CRACD: variants seen among roughly 807,000 people sequenced by gnomAD.
The protein encoded by CRACD is capping protein-inhibiting regulator of actin dynamics.
CRACD carries 56 observed loss-of-function variants against 106.8 expected under a neutral mutation model. That is an observed-to-expected ratio of 0.52 (90% CI 0.42 to 0.66). The LOEUF (loss-of-function observed/expected upper bound fraction) is 0.66, where lower values mean the gene tolerates loss of function less well. Among genes scored for constraint, CRACD ranks in the 30% least tolerant of loss-of-function variants. CRACD has a pLI of 0.00. For missense variants in CRACD, 1,730 were observed against 1,623.2 expected (o/e 1.07, Z -1.13); for synonymous variants, 754 against 670.8 (o/e 1.12, Z -1.92).
intron 1 of CRACD, among the ~76,000 whole-genome samples, chr4:56,124,218 G>A (rs187215231): frequency 3.9e-5 from 6 of 152,308 alleles, no homozygotes; most frequent in Admixed American, 2.0e-4. Flanking sequence ...GATTACAGGC[G>A]TGAGCCACTG....
chr4:56,233,951 T>G (rs1739801054), intron 2 of CRACD, among the ~76,000 whole-genome samples: 1 of 152,230 alleles, frequency 6.6e-6, no homozygotes, highest in African/African-American at 2.4e-5. Flanking sequence ...ATTTTACAAA[T>G]GATATCATTT....
intron 1 of CRACD, among the ~76,000 whole-genome samples, chr4:56,098,611 C>A (rs1733672108): frequency 6.6e-6 from 1 of 152,148 alleles, no homozygotes; most frequent in African/African-American, 2.4e-5. Flanking sequence ...TTACTAATAA[C>A]AAGAACTTAA....
chr4:56,264,928 G>C (rs1013418562), intron 2 of CRACD, among the ~76,000 whole-genome samples: 2 of 152,090 alleles, frequency 1.3e-5, no homozygotes, highest in African/African-American at 4.8e-5. Context: ...TTTCCTCCAC[G>C]CTTCCCCCAG....
chr4:56,061,672 A>G (rs975983132), intron 1 of CRACD, among the ~76,000 whole-genome samples: 2 of 152,364 alleles, frequency 1.3e-5, no homozygotes, highest in Non-Finnish European at 1.5e-5. Context: ...GTATGTATAC[A>G]TAAGTATATA....
chr4:56,161,321 G>A (rs969984966), intron 1 of CRACD, among the ~76,000 whole-genome samples: 8 of 151,984 alleles, frequency 5.3e-5, no homozygotes, highest in African/African-American at 1.7e-4. Context: ...GTTTCATTCT[G>A]GTGTTTGAGG....
chr4:56,292,353 A>G (rs774209327), intron 3 of CRACD, among the ~76,000 whole-genome samples: 77 of 152,164 alleles, frequency 5.1e-4, no homozygotes, highest in Non-Finnish European at 7.8e-4. Context: ...CTCTGGGAGG[A>G]CCACACCCTA....
chr4:56,107,065 G>A (rs1198827684), intron 1 of CRACD, among the ~76,000 whole-genome samples: 1 of 152,124 alleles, frequency 6.6e-6, no homozygotes, highest in Non-Finnish European at 1.5e-5. Flanking sequence ...CAAACTCCTT[G>A]ACCCAAGCGA....
intron 2 of CRACD, among the ~76,000 whole-genome samples, chr4:56,211,525 G>A (rs1056321624): frequency 6.6e-6 from 1 of 152,214 alleles, no homozygotes; most frequent in African/African-American, 2.4e-5. Context: ...AGAAGAATGA[G>A]TATACGCTGA....
chr4:56,278,589 G>C (rs1742809222), intron 3 of CRACD, among the ~76,000 whole-genome samples: 1 of 152,102 alleles, frequency 6.6e-6, no homozygotes, highest in Non-Finnish European at 1.5e-5. Context: ...CCTTGAATTA[G>C]GCAGTGGTTT....
chr4:56,296,233 G>A (rs1020795659), intron 3 of CRACD, among the ~76,000 whole-genome samples: 1 of 152,018 alleles, frequency 6.6e-6, no homozygotes, highest in Non-Finnish European at 1.5e-5. Flanking sequence ...CTTCAATTTG[G>A]ATGTCTTTAT....
At chr4:56,087,459 G>C (rs553495044) in intron 1 of CRACD, among the ~76,000 whole-genome samples, 1 of 152,032 alleles carries the variant, frequency 6.6e-6, no homozygotes, top group Non-Finnish European at 1.5e-5. Context: ...TCTTCCTCTC[G>C]CTTCTGTCTG....
rs1736715604 is a variant in CRACD at position 56,179,302 on chromosome 4, C to T, written c.-317C>T. 1 of 151,618 alleles carries T rather than the reference C, an allele frequency of 6.6e-6. No individual in the cohort carries two copies. The highest frequency in any genetic ancestry group is 2.4e-5 in the African/African-American group (1 of 41,234). The allele number at this position is 151,618 out of a possible 1,614,324, so 9.4% of individuals were successfully genotyped here. A position where few individuals can be genotyped will look rare whatever the true frequency, so the allele number is the denominator to read the frequency against. On this transcript the variant is annotated 5_prime_UTR_variant, in exon 2 of 11. Coordinates refer to ENST00000682029, the MANE Select transcript of CRACD (RefSeq NM_001393381.1). ...TCAACAGCTTACAAGAGCAGTGATTCCCAGGCTTTCTCAGCAATGTACCCC... is the reference window on the plus strand; with the variant it reads ...TCAACAGCTTACAAGAGCAGTGATTTCCAGGCTTTCTCAGCAATGTACCCC...
chr4:56,221,386 G>T (rs1739022035), intron 2 of CRACD, among the ~76,000 whole-genome samples: 1 of 152,146 alleles, frequency 6.6e-6, no homozygotes, highest in Non-Finnish European at 1.5e-5. Flanking sequence ...ATATTGAGAG[G>T]TTCACATAAA....
chr4:56,123,748 C>T (rs901862541), intron 1 of CRACD, among the ~76,000 whole-genome samples: 2 of 152,098 alleles, frequency 1.3e-5, no homozygotes, highest in Non-Finnish European at 2.9e-5. Context: ...AGTAGTACCC[C>T]CCCTACACTG....
At chr4:56,154,599 C>A (rs1431657987) in intron 1 of CRACD, among the ~76,000 whole-genome samples, 1 of 152,060 alleles carries the variant, frequency 6.6e-6, no homozygotes, top group Non-Finnish European at 1.5e-5. Flanking sequence ...ATGAAGAAAT[C>A]TGCATTATGA....
At chr4:56,212,194 A>G (rs960987364) in intron 2 of CRACD, among the ~76,000 whole-genome samples, 2 of 152,202 alleles carry the variant, frequency 1.3e-5, no homozygotes, top group African/African-American at 4.8e-5. Flanking sequence ...ATAATACATT[A>G]GTATGCCAAA....
intron 2 of CRACD, among the ~76,000 whole-genome samples, chr4:56,241,618 C>T (rs563600652): frequency 3.3e-5 from 5 of 152,288 alleles, no homozygotes; most frequent in South Asian, 4.2e-4. Flanking sequence ...ATGGACCTTG[C>T]CCTCCAGGAG....
intron 1 of CRACD, among the ~76,000 whole-genome samples, chr4:56,132,108 A>G (rs1365059291): frequency 6.6e-6 from 1 of 152,172 alleles, no homozygotes; most frequent in Admixed American, 6.5e-5. Context: ...GCAGTGGTGC[A>G]ACCACAGCTC....
At chr4:56,066,898 A>G (rs1732483724) in intron 1 of CRACD, among the ~76,000 whole-genome samples, 1 of 152,208 alleles carries the variant, frequency 6.6e-6, no homozygotes, top group Admixed American at 6.5e-5. Flanking sequence ...ACAGTCTAGA[A>G]GAGGAAAGAA....
Sources: gnomAD v4.1 joint callset for allele counts (sites outside exome capture counted in the v4.1 genomes callset) on GRCh38, gnomAD v4.1.1 for gene constraint, MANE v1.5 for transcripts, NCBI Gene and HGNC (gene_info 2026-07-23, HGNC 2026-07-21) for gene names.